The following BIRC6 variants were observed in gnomAD, a reference collection of about 807,000 sequenced individuals.
The protein encoded by BIRC6 is baculoviral IAP repeat containing 6.
Under a neutral mutation model 503.3 loss-of-function variants are expected in BIRC6, and 98 were observed. The ratio of observed to expected loss-of-function variants is 0.19; its 90% CI spans 0.17 to 0.23. The LOEUF (loss-of-function observed/expected upper bound fraction) is 0.23. Ranked by LOEUF, BIRC6 falls within the 10% of genes least tolerant of loss-of-function variation. The pLI, the probability that BIRC6 is intolerant of heterozygous loss-of-function variation, is 1.00. For missense variants in BIRC6, 5,360 were observed against 5,806.0 expected (o/e 0.92, Z 2.50); for synonymous variants, 2,240 against 2,078.7 (o/e 1.08, Z -2.11).
At chr2:32,388,112 C>T (rs2038741510) in intron 3 of BIRC6, among the ~76,000 whole-genome samples, 1 of 152,000 alleles carries the variant, frequency 6.6e-6, no homozygotes, top group Non-Finnish European at 1.5e-5. Flanking sequence ...GTGGGCCAGG[C>T]GCAGTGGCTC....
At chr2:32,485,452 G>T (rs1352680612) in intron 39 of BIRC6, among the ~76,000 whole-genome samples, 191 bp from the exon 40 acceptor site, 1 of 151,860 alleles carries the variant, frequency 6.6e-6, no homozygotes, top group Non-Finnish European at 1.5e-5. Flanking sequence ...ATAACCAATC[G>T]CCTGTCTCTA....
intron 3 of BIRC6, among the ~76,000 whole-genome samples, chr2:32,384,288 G>A (rs984199153): frequency 2.6e-5 from 4 of 152,202 alleles, no homozygotes; most frequent in African/African-American, 9.7e-5. Flanking sequence ...CTTTCGGTTA[G>A]CGTTGAAAAT....
rs758989611 is a variant in BIRC6, at chr2:32,465,123, C to T, written c.5315C>T (p.Pro1772Leu). ...AISHASHFLQ[P>L]PPHQSIIIER... is the part of the protein sequence containing the mutation. ...TCTCATGCTTCACATTTTCTTCAAC[C>T]TCCGCCTCACCAGTCCATTATTATA... Residue 1772 changes from proline to leucine, a missense_variant, in exon 26 of 74, where the codon CCT becomes CTT. By Grantham distance (98) the Pro-to-Leu change is moderately conservative. This residue lies in a region of BIRC6 where 2,299 missense variants were observed against 2,267.2 expected (regional missense o/e 1.01). Transcript: ENST00000421745. The T allele has an allele frequency of 4.4e-6, 7 of 1,605,326 alleles. No individual in the cohort carries two copies. Among genetic ancestry groups the T allele is most frequent in the East Asian group, 2.2e-5 (1 of 44,632 alleles).
intron 65 of BIRC6, among the ~76,000 whole-genome samples, chr2:32,554,907 A>G (rs2058671675): frequency 6.6e-6 from 1 of 152,162 alleles, no homozygotes; most frequent in African/African-American, 2.4e-5. Flanking sequence ...TAGTAGTTAC[A>G]TCAAAGTAAA....
intron 3 of BIRC6, among the ~76,000 whole-genome samples, chr2:32,387,020 C>T (rs1048324999): frequency 1.3e-4 from 20 of 152,252 alleles, no homozygotes; most frequent in Admixed American, 7.2e-4. Context: ...CTTTATTAAT[C>T]GCTTGACCAT....
chr2:32,365,381 G>A (rs989621733), intron 1 of BIRC6, among the ~76,000 whole-genome samples: 11 of 149,812 alleles, frequency 7.3e-5, no homozygotes, highest in East Asian at 2.0e-4. Flanking sequence ...GTGCAATGGC[G>A]CGATCTCAGC....
intron 1 of BIRC6, among the ~76,000 whole-genome samples, chr2:32,373,839 A>C (rs555706635): frequency 9.2e-5 from 14 of 152,338 alleles, no homozygotes; most frequent in Admixed American, 4.6e-4. Flanking sequence ...GAAGCAACCT[A>C]AGTGTCTGTC....
At chr2:32,427,689 A>G (rs1199397279) in intron 10 of BIRC6, among the ~76,000 whole-genome samples, 1 of 152,194 alleles carries the variant, frequency 6.6e-6, no homozygotes, top group Non-Finnish European at 1.5e-5. Context: ...AATATTTACA[A>G]TAGATCCTTG....
chr2:32,425,615 C>T (rs983293131), intron 10 of BIRC6, among the ~76,000 whole-genome samples: 1 of 152,090 alleles, frequency 6.6e-6, no homozygotes, highest in Admixed American at 6.6e-5. Flanking sequence ...GTGACATTTT[C>T]AAACTATTTG....
intron 1 of BIRC6, among the ~76,000 whole-genome samples, chr2:32,364,201 C>A (rs535116749): frequency 6.6e-6 from 1 of 152,078 alleles, no homozygotes; most frequent in Non-Finnish European, 1.5e-5. Flanking sequence ...GAAGTGAATT[C>A]CAGATCTGTG....
rs1401956632 is a variant in BIRC6 at position 32,578,684 on chromosome 2, A to C, written c.13355+3318A>C. Among the ~76,000 whole-genome samples, 8 of 151,824 alleles carry C rather than the reference A, an allele frequency of 5.3e-5. No individual in the cohort carries two copies. In the South Asian group the frequency reaches 1.7e-3, roughly 32 times the overall value. On this transcript the variant is annotated intron_variant, in intron 66 of 73. Transcript: ENST00000421745. ...GGTGGCACATACCTGTAATCCCAGG[A>C]ACTTGGGAGGCTGAGGCACGAGAAT...
chr2:32,416,644 A>G (rs2042401397), intron 10 of BIRC6, among the ~76,000 whole-genome samples: 1 of 152,128 alleles, frequency 6.6e-6, no homozygotes, highest in Non-Finnish European at 1.5e-5. Context: ...GTTTTGCTAA[A>G]TACATTTTTT....
chr2:32,414,975 A>T lies in BIRC6; in HGVS notation c.1684A>T (p.Ile562Phe). Residue 562 changes from isoleucine (I) to phenylalanine (F), a missense_variant, in exon 10 of 74, where the codon ATT becomes TTT. Transcript: ENST00000421745. The part of the protein sequence containing the change: ...TKEKHQEQHN[I>F]PFPCLLAGGL... ...GGAAAAGCACCAGGAGCAACACAAC[A>T]TTCCTTTTCCATGTTTATTAGCTGG... The T allele has an allele frequency of 6.2e-7, 1 of 1,613,954 alleles. No individual in the cohort carries two copies. Among genetic ancestry groups the T allele is most frequent in the Non-Finnish European group, 8.5e-7 (1 of 1,179,868 alleles).
In BIRC6 at chr2:32,408,828, T is replaced by C. The variant is rs562558934; in HGVS notation, c.1477+2271T>C. On this transcript the variant is annotated intron_variant, in intron 9 of 73. Transcript: ENST00000421745. ...ACAGTAGCTGTGGTAAGAGAAAATATCTTTCCAGTTCAAAATTTTTAATTG... is the reference window on the plus strand; with the variant it reads ...ACAGTAGCTGTGGTAAGAGAAAATACCTTTCCAGTTCAAAATTTTTAATTG... Among the ~76,000 whole-genome samples the C allele has an allele frequency of 3.3e-3, 506 of 152,332 alleles. 4 individuals carry two copies. The highest frequency in any genetic ancestry group is 0.011 in the African/African-American group (475 of 41,580).
chr2:32,593,807 G>A (rs2061522942), intron 66 of BIRC6, 108 bp from the exon 67 acceptor site: 1 of 974,194 alleles, frequency 1.0e-6, no homozygotes, highest in East Asian at 2.6e-5. Context: ...TAGATCATGT[G>A]TGTGACAAAT....
Position 32,524,857 on chromosome 2 carries a change from G to C in BIRC6, c.11624-31G>C, listed in dbSNP as rs199618670. 7.3e-5 allele frequency: 95 copies of C among 1,305,948 alleles called. 1 individual carries two copies. Among genetic ancestry groups the C allele is most frequent in the Non-Finnish European group, 9.3e-5 (92 of 988,144 alleles). The allele number at this position is 1,305,948 out of a possible 1,614,324, so 80.9% of individuals were successfully genotyped here. A position where few individuals can be genotyped will look rare whatever the true frequency, so the allele number is the denominator to read the frequency against. On this transcript the variant is annotated intron_variant, in intron 57 of 73. Transcript: ENST00000421745. ...CTTCTCTTCTTAATGATTTGGAAAA[G>C]CAGTGTATTTTAGATAATATCTTCT...
At chr2:32,431,415 C>T (rs1027010121) in intron 12 of BIRC6, among the ~76,000 whole-genome samples, 2 of 151,718 alleles carry the variant, frequency 1.3e-5, no homozygotes, top group African/African-American at 4.8e-5. Context: ...ATGCTGGTCC[C>T]GAACTCCTGA....
At chr2:32,540,791 A>G (rs2057605582) in intron 61 of BIRC6, among the ~76,000 whole-genome samples, 1 of 152,034 alleles carries the variant, frequency 6.6e-6, no homozygotes, top group African/African-American at 2.4e-5. Flanking sequence ...CTTGCTGTAT[A>G]TTTAACTATA....
rs78506720 is a variant in BIRC6 at position 32,533,827 on chromosome 2, A to C, written c.12291+2276A>C. On this transcript the variant is annotated intron_variant, in intron 61 of 73. Coordinates refer to ENST00000421745, the MANE Select transcript of BIRC6 (RefSeq NM_016252.4). ...CAATGCATCCTTTGATTTTAGTCCC[A>C]TAAGACCTGTTTTGGATTTCTGACC... Among the ~76,000 whole-genome samples the C allele has an allele frequency of 1.8e-3, 279 of 152,310 alleles. 2 individuals carry two copies. Among genetic ancestry groups the C allele is most frequent in the Non-Finnish European group, 3.4e-3 (233 of 68,030 alleles).
Sources: gnomAD v4.1 joint callset for allele counts (sites outside exome capture counted in the v4.1 genomes callset) on GRCh38, gnomAD v4.1.1 for gene constraint, gnomAD v4.1.1 regional missense constraint, MANE v1.5 for transcripts, NCBI Gene and HGNC (gene_info 2026-07-23, HGNC 2026-07-21) for gene names.